The following RNF213 variants were observed in gnomAD, a reference collection of about 807,000 sequenced individuals.
RNF213 encodes the protein ring finger protein 213.
In RNF213, 341 loss-of-function variants were observed where a neutral mutation model predicts 514.4. That is an observed-to-expected ratio of 0.66 (90% CI 0.61 to 0.73). The LOEUF is 0.73. Among genes scored for constraint, RNF213 ranks in the 30% least tolerant of loss-of-function variants. The pLI, the probability that RNF213 is intolerant of heterozygous loss-of-function variation, is 0.00. For synonymous variants in RNF213, 2,655 were observed against 2,658.2 expected (o/e 1.00, Z 0.04); for missense variants, 5,767 against 6,615.6 (o/e 0.87, Z 4.45).
At chr17:80,336,024 C>A in intron 22 of RNF213, 137 bp from the exon 23 acceptor site, 4 of 633,462 alleles carry the variant, frequency 6.3e-6, no homozygotes, top group Non-Finnish European at 5.3e-6. Context: ...CGGACTCTTA[C>A]TGAAAGCAGA....
At chr17:80,392,616 T>TTC (rs2144681865) in intron 67 of RNF213, among the ~76,000 whole-genome samples, 1 of 152,084 alleles carries the variant, frequency 6.6e-6, no homozygotes, top group South Asian at 2.1e-4. Flanking sequence ...TTTTTTTTTT[T>TTC]TCTCGCTCTG....
intron 16 of RNF213, among the ~76,000 whole-genome samples, chr17:80,318,716 G>A (rs905686134): frequency 6.6e-6 from 1 of 152,138 alleles, no homozygotes; most frequent in Non-Finnish European, 1.5e-5. Context: ...TGGGACTACA[G>A]GCGCCCGCCA....
At chr17:80,313,522 T>C (rs1428974722) in intron 15 of RNF213, among the ~76,000 whole-genome samples, 4 of 58,326 alleles carry the variant, frequency 6.9e-5, no homozygotes, top group African/African-American at 2.8e-4. Flanking sequence ...GTGATGGTGG[T>C]GAAGGTGATG....
intron 21 of RNF213, among the ~76,000 whole-genome samples, chr17:80,333,226 ATT>A (rs370966572): frequency 0.067 from 9,432 of 140,960 alleles, 968 homozygotes; most frequent in African/African-American, 0.22. Flanking sequence ...TTTTTTTGGT[ATT>A]TTTTTTTTTT....
chr17:80,355,402 A>T (rs1178275638), intron 36 of RNF213: 2 of 252,236 alleles, frequency 7.9e-6, no homozygotes, highest in Admixed American at 3.8e-5. Context: ...GGTGAATGGG[A>T]ATGGGGGCTC....
rs375071973 is a variant in RNF213 at position 80,377,863 on chromosome 17, C to T, written c.13545+67C>T. 40 of 1,567,670 alleles carry T rather than the reference C, an allele frequency of 2.6e-5. No homozygotes were observed. The highest frequency in any genetic ancestry group is 3.3e-5 in the Non-Finnish European group (38 of 1,138,262). The stretch of plus-strand genomic sequence containing the variant: ...CACTCCTGGGTTGGAGGAGGGGGAT[C>T]GTGGGTCAGGAGAGTGAGGCTCTCG... On this transcript the variant is annotated intron_variant, in intron 54 of 67. Transcript: ENST00000582970. The surrounding 1 kb of genome is among the most constrained non-coding windows in gnomAD (Gnocchi z 4.1).
At position 80,388,674 on chromosome 17, in the gene RNF213, G is replaced by A. The variant is rs755576540; in HGVS notation, c.14985G>A (p.Lys4995=). 9.3e-6 allele frequency: 15 copies of A among 1,610,788 alleles called. No individual in the cohort carries two copies. In the East Asian group the frequency reaches 3.1e-4, roughly 34 times the overall value. Residue 4995 remains lysine, a synonymous_variant, in exon 64 of 68, where the codon AAG becomes AAA. Coordinates refer to ENST00000582970, the MANE Select transcript of RNF213 (RefSeq NM_001256071.3). ...WNYEHLFMDI[K]NKMAQDSLPS... is the part of the protein sequence containing the mutation. The stretch of plus-strand genomic sequence containing the variant: ...ATGAACATCTCTTTATGGACATCAA[G>A]AACAAAATGGCACAGGTGATCCCGA...
In RNF213 at chr17:80,346,318, G is replaced by A. The variant is rs2078309623; in HGVS notation, c.7983G>A (p.Gln2661=). The A allele has an allele frequency of 1.9e-6, 3 of 1,614,030 alleles. No homozygotes were observed. The highest frequency in any genetic ancestry group is 2.7e-5 in the African/African-American group (2 of 75,050). The change falls in exon 29 of 68, where the codon CAG becomes CAA. Residue 2661 remains glutamine, a synonymous_variant. Coordinates refer to ENST00000582970, the MANE Select transcript of RNF213 (RefSeq NM_001256071.3). This position sits in a 1 kb window ranked among gnomAD's most constrained non-coding sequence, Gnocchi z 8.1. ...AGCACAGCGCGATGCTCTTAGCGCA[G>A]CTGAATGCCTTTCTCTCCAAGTCCA... ...FHEHSAMLLA[Q]LNAFLSKSSV...
intron 3 of RNF213, among the ~76,000 whole-genome samples, chr17:80,275,091 GGT>G (rs1263286656): frequency 3.5e-5 from 5 of 142,382 alleles, no homozygotes; most frequent in African/African-American, 7.9e-5. Flanking sequence ...GGGTGTGTTG[GGT>G]GTGTGTGTGT....
At chr17:80,286,593 C>T (rs1025581193) in intron 3 of RNF213, among the ~76,000 whole-genome samples, 1 of 152,050 alleles carries the variant, frequency 6.6e-6, no homozygotes. Flanking sequence ...CTTCCTCATC[C>T]CCTTGTTACC....
At chr17:80,321,326 GTAT>G (rs1294381663) in intron 17 of RNF213, 2 of 152,186 alleles carry the variant, frequency 1.3e-5, no homozygotes, top group African/African-American at 4.8e-5. Flanking sequence ...GGATTTTGTA[GTAT>G]TTTGGATTTG....
At position 80,264,646 on chromosome 17, in the gene RNF213, G is replaced by A. The variant is rs528030869; in HGVS notation, c.97+868G>A. On this transcript the variant is annotated intron_variant, in intron 2 of 67. Coordinates refer to ENST00000582970, the MANE Select transcript of RNF213 (RefSeq NM_001256071.3). This position sits in a 1 kb window ranked among gnomAD's most constrained non-coding sequence, Gnocchi z 5.0. ...TTCCTCCATGACCCACATGCAGAGG[G>A]CCCTGCTGGTCTCCCCGCCTCCACG... 2.6e-5 allele frequency among the ~76,000 whole-genome samples: 4 copies of A among 152,140 alleles called. No individual in the cohort carries two copies. The South Asian group carries it at 6.2e-4, about 24-fold the overall frequency.
intron 10 of RNF213, among the ~76,000 whole-genome samples, chr17:80,297,582 A>G (rs2045004545): frequency 6.6e-6 from 1 of 151,446 alleles, no homozygotes; most frequent in African/African-American, 2.4e-5. Context: ...AAATTAAAAT[A>G]AAAAATAGAG....
chr17:80,292,929 A>T (rs1462630894), intron 8 of RNF213, among the ~76,000 whole-genome samples: 1 of 152,104 alleles, frequency 6.6e-6, no homozygotes, highest in Non-Finnish European at 1.5e-5. Context: ...TTTACTGTTT[A>T]TGTTGTTCAT....
At position 80,397,373 on chromosome 17, in the gene RNF213, C is replaced by A. The variant is rs2080685910; in HGVS notation, c.*3875C>A. The A allele has an allele frequency of 6.6e-6, 1 of 151,378 alleles. No homozygotes were observed. The highest frequency in any genetic ancestry group is 1.5e-5 in the Non-Finnish European group (1 of 67,776). The allele number at this position is 151,378 out of a possible 1,614,324, so 9.4% of individuals were successfully genotyped here. On this transcript the variant is annotated 3_prime_UTR_variant, in exon 68 of 68. Coordinates refer to ENST00000582970, the MANE Select transcript of RNF213 (RefSeq NM_001256071.3). ...CATATTGTCTTACGCCCAATTTCTG[C>A]CTCCAAAGAGAGAAGTAAAAACTAA...
At position 80,353,752 on chromosome 17, in the gene RNF213, G is replaced by C. The variant is rs569686974; in HGVS notation, c.10578+86G>C. ...TTAAACGCTTTTGCATTGGGAGCTAGAGGAGTCGCCGCCGCTGTGCAGGGG... is the reference window on the plus strand; with the variant it reads ...TTAAACGCTTTTGCATTGGGAGCTACAGGAGTCGCCGCCGCTGTGCAGGGG... On this transcript the variant is annotated intron_variant, in intron 34 of 67. Transcript: ENST00000582970. This position sits in a 1 kb window ranked among gnomAD's most constrained non-coding sequence, Gnocchi z 5.0. The C allele has an allele frequency of 7.6e-6, 12 of 1,571,100 alleles. No homozygotes were observed. Among genetic ancestry groups the C allele is most frequent in the African/African-American group, 6.7e-5 (5 of 74,206 alleles).
Position 80,325,330 on chromosome 17 carries a change from G to C in RNF213, c.3193+132G>C, listed in dbSNP as rs1308351945. ...GGGCTGATGTTTGACAAAGGCTGCA[G>C]TTTGGACAGAGAGACCCTGGAAGGC... On this transcript the variant is annotated intron_variant, in intron 18 of 67. Transcript: ENST00000582970. 28 of 913,922 alleles carry C rather than the reference G, an allele frequency of 3.1e-5. No homozygotes were observed. In the East Asian group the frequency reaches 7.2e-4, roughly 23 times the overall value. The allele number at this position is 913,922 out of a possible 1,614,324, so 56.6% of individuals were successfully genotyped here.
chr17:80,349,380 T>C (rs1037824677), intron 29 of RNF213, among the ~76,000 whole-genome samples: 5 of 151,986 alleles, frequency 3.3e-5, no homozygotes, highest in African/African-American at 1.2e-4. Flanking sequence ...ATTGCTGACA[T>C]CTGGGGGAAG....
intron 3 of RNF213, among the ~76,000 whole-genome samples, chr17:80,283,030 A>G (rs2044352159): frequency 6.6e-6 from 1 of 152,154 alleles, no homozygotes; most frequent in Non-Finnish European, 1.5e-5. Flanking sequence ...ACAGCATCCT[A>G]AAAGCTCTAG....
Sources: allele counts gnomAD v4.1 joint callset (sites outside exome capture counted in the v4.1 genomes callset), GRCh38; gene constraint gnomAD v4.1.1; non-coding constraint Gnocchi (gnomAD v3.1); transcripts MANE v1.5; gene names NCBI Gene and HGNC (gene_info 2026-07-23, HGNC 2026-07-21).